The following BLTP1 variants were observed in gnomAD, a reference collection of about 807,000 sequenced individuals.
BLTP1 encodes bridge-like lipid transfer protein family member 1, also known as fragile site-associated protein.
chr4:122,280,687 C>T, the BLTP1 span, among the ~76,000 whole-genome samples: 2 of 149,824 alleles, frequency 1.3e-5, no homozygotes, highest in African/African-American at 4.9e-5. Context: ...AAAAAACAAC[C>T]ATGTAAAAGG....
chr4:122,339,161 T>C, the BLTP1 span: 3 of 1,565,642 alleles, frequency 1.9e-6, no homozygotes, highest in South Asian at 2.3e-5. Context: ...TTAAAACTTT[T>C]CTTTTATCCA....
At chr4:122,256,207 C>A in the BLTP1 span, 19 of 977,050 alleles carry the variant, frequency 1.9e-5, no homozygotes, top group Non-Finnish European at 2.3e-5. Context: ...AGCCATTGTT[C>A]AGGCAAGTCA....
At chr4:122,262,853 A>G in the BLTP1 span, 5 of 1,613,936 alleles carry the variant, frequency 3.1e-6, no homozygotes, top group African/African-American at 6.7e-5. Context: ...GGATGCCAGT[A>G]AAGGACAGTC....
the BLTP1 span, chr4:122,289,734 GTT>G: frequency 2.1e-6 from 2 of 955,700 alleles, no homozygotes; most frequent in Non-Finnish European, 2.5e-6. Context: ...TTGTATGAAT[GTT>G]ATCATGTTAA....
chr4:122,204,609 G>A, the BLTP1 span: 26 of 980,428 alleles, frequency 2.7e-5, no homozygotes, highest in East Asian at 3.4e-4. Flanking sequence ...TTTTTCCTTA[G>A]CAGAGAGGAT....
chr4:122,355,708 C>G, the BLTP1 span: 3 of 1,338,530 alleles, frequency 2.2e-6, 1 homozygote, highest in South Asian at 5.7e-5. Context: ...AATAATAGTT[C>G]TGTATATTAT....
At chr4:122,222,002 G>A in the BLTP1 span, 1 of 592,880 alleles carries the variant, frequency 1.7e-6, no homozygotes, top group Non-Finnish European at 2.1e-6. Context: ...AACTTGTGGA[G>A]AGACTGAATT....
chr4:122,239,196 G>A, the BLTP1 span, among the ~76,000 whole-genome samples: 2 of 152,042 alleles, frequency 1.3e-5, no homozygotes. Context: ...TGTTGGACAA[G>A]TTTTTAAAGG....
At chr4:122,320,559 C>A in the BLTP1 span, among the ~76,000 whole-genome samples, 1 of 152,130 alleles carries the variant, frequency 6.6e-6, no homozygotes, top group Non-Finnish European at 1.5e-5. Context: ...TGATAATTTT[C>A]TTTGCTTTGA....
the BLTP1 span, chr4:122,356,500 A>G: frequency 1.0e-6 from 1 of 1,003,734 alleles, no homozygotes; most frequent in African/African-American, 1.6e-5. Flanking sequence ...TAAATCACAT[A>G]CAGATATTAC....
At chr4:122,157,377 A>T in the BLTP1 span, among the ~76,000 whole-genome samples, 3 of 152,108 alleles carry the variant, frequency 2.0e-5, no homozygotes, top group African/African-American at 7.2e-5. Context: ...ACTAGGGACC[A>T]GTTTTGTAGA....
the BLTP1 span, chr4:122,316,523 C>A: frequency 1.7e-6 from 1 of 575,428 alleles, no homozygotes; most frequent in Non-Finnish European, 3.3e-6. Context: ...CATTTGAAAG[C>A]ATGCAGAGCA....
the BLTP1 span, chr4:122,313,788 T>TA: frequency 1.5e-6 from 1 of 665,044 alleles, no homozygotes; most frequent in Admixed American, 3.0e-5. Flanking sequence ...GTTCACTAAT[T>TA]TAAAAAAAAA....
the BLTP1 span, chr4:122,343,248 TTC>T: frequency 2.7e-4 from 130 of 482,806 alleles, no homozygotes; most frequent in African/African-American, 2.5e-3. Context: ...AAGTCTTTAT[TTC>T]AGTTTTAAGG....
the BLTP1 span, chr4:122,281,258 T>C: frequency 2.1e-6 from 2 of 963,562 alleles, no homozygotes; most frequent in Non-Finnish European, 2.5e-6. Flanking sequence ...ATCAGACAAA[T>C]CTGAGTTTAA....
the BLTP1 span, among the ~76,000 whole-genome samples, chr4:122,275,311 T>C: frequency 1.3e-5 from 2 of 152,038 alleles, no homozygotes; most frequent in Non-Finnish European, 2.9e-5. Context: ...TTATCTACCT[T>C]TACAGAACAA....
At chr4:122,362,179 A>G in the BLTP1 span, 1 of 1,613,622 alleles carries the variant, frequency 6.2e-7, no homozygotes, top group Non-Finnish European at 8.5e-7. Flanking sequence ...GTCAGTTCTT[A>G]TCAAAAAGCT....
the BLTP1 span, among the ~76,000 whole-genome samples, chr4:122,360,483 A>G: frequency 6.6e-6 from 1 of 152,106 alleles, no homozygotes; most frequent in Non-Finnish European, 1.5e-5. Context: ...AAATAACACT[A>G]TTTTTAAAAA....
chr4:122,244,630 G>A, the BLTP1 span: 1 of 983,974 alleles, frequency 1.0e-6, no homozygotes, highest in Non-Finnish European at 1.2e-6. Context: ...GTTGGGAAGA[G>A]AAAAGGGGTT....
Sources: gnomAD v4.1 joint callset for allele counts (sites outside exome capture counted in the v4.1 genomes callset) on GRCh38, gnomAD v4.1.1 for gene constraint, MANE v1.5 for transcripts, NCBI Gene and HGNC (gene_info 2026-07-23, HGNC 2026-07-21) for gene names.